The following PRR5 variants were observed in gnomAD, a reference collection of about 807,000 sequenced individuals.
PRR5 encodes the protein proline rich 5.
In PRR5, 25 loss-of-function variants were observed where a neutral mutation model predicts 30.6. The ratio of observed to expected loss-of-function variants is 0.82; its 90% CI spans 0.60 to 1.14. PRR5 has a LOEUF of 1.14. Among genes scored for constraint, PRR5 ranks in the 50% most tolerant of loss-of-function variants. The pLI is 0.00. For missense variants in PRR5, 600 were observed against 547.1 expected (o/e 1.10, Z -0.96); for synonymous variants, 286 against 247.1 (o/e 1.16, Z -1.48).
chr22:44,731,669 G>A (rs1198748400), intron 4 of PRR5, 61 bp from the exon 5 acceptor site: 19 of 1,550,590 alleles, frequency 1.2e-5, no homozygotes, highest in Non-Finnish European at 1.6e-5. Context: ...CCCATCCTGG[G>A]TGAGTGGAGG....
chr22:44,702,183 C>CCCGCCCCCGGGT (rs777318229), upstream of PRR5: 185,887 of 930,812 alleles, frequency 0.2, 19,785 homozygotes, highest in East Asian at 0.34. Flanking sequence ...CGCCCCTGGG[C>CCCGCCCCCGGGT]CCGCCCCCGG....
chr22:44,732,813 C>G (rs977560910), intron 6 of PRR5, among the ~76,000 whole-genome samples: 4 of 137,486 alleles, frequency 2.9e-5, no homozygotes, highest in Non-Finnish European at 6.4e-5. Context: ...CGCATACACA[C>G]TACACGTGTG....
chr22:44,716,165 T>A (rs1285691080), intron 2 of PRR5, among the ~76,000 whole-genome samples: 1 of 152,178 alleles, frequency 6.6e-6, no homozygotes, highest in African/African-American at 2.4e-5. Flanking sequence ...ACAGAGAAGC[T>A]GCCCTGGGCC....
chr22:44,706,436 G>A (rs1927213885), intron 1 of PRR5, among the ~76,000 whole-genome samples: 1 of 152,188 alleles, frequency 6.6e-6, no homozygotes, highest in Non-Finnish European at 1.5e-5. Flanking sequence ...TGGGAGGAAA[G>A]CAAACCAGGG....
intron 4 of PRR5, chr22:44,730,149 C>T (rs941039119): frequency 4.1e-6 from 4 of 985,090 alleles, no homozygotes; most frequent in South Asian, 4.7e-5. Flanking sequence ...CTACATGAAG[C>T]TGGGGGCTTC....
chr22:44,731,618 G>A (rs964195136), intron 4 of PRR5, 112 bp from the exon 5 acceptor site: 2 of 1,054,710 alleles, frequency 1.9e-6, no homozygotes, highest in East Asian at 2.5e-5. Context: ...GTGCTGCCAG[G>A]GGCCTGAGCC....
At chr22:44,679,994 C>G in intron 1 of PRR5, 1 of 1,013,818 alleles carries the variant, frequency 9.9e-7, no homozygotes, top group Non-Finnish European at 1.5e-6. Flanking sequence ...GAGAGACCCA[C>G]GGGGAATGAG....
upstream of PRR5, among the ~76,000 whole-genome samples, chr22:44,672,589 A>G (rs1923487457): frequency 6.6e-6 from 1 of 152,186 alleles, no homozygotes; most frequent in Admixed American, 6.5e-5. Flanking sequence ...CCGTCTCTAA[A>G]TAAATAAATA....
At position 44,737,193 on chromosome 22, in the gene PRR5, G is replaced by A; in HGVS notation, c.1113G>A (p.Arg371=). 6.2e-7 allele frequency: 1 copy of A among 1,612,180 alleles called. No homozygotes were observed. The highest frequency in any genetic ancestry group is 2.2e-5 in the East Asian group (1 of 44,856). ...TTTTCATTGACTTTGGCCGGGGCCG[G>A]GGCTCTGGCATGTCCGACTTGGAGG... is the stretch of plus-strand genomic sequence containing the variant. The part of the protein sequence containing the change: ...EGIFIDFGRG[R]GSGMSDLEGS... Residue 371 remains arginine, a synonymous_variant, in exon 8 of 8, where the codon CGG becomes CGA. Coordinates refer to ENST00000336985, the MANE Select transcript of PRR5 (RefSeq NM_181333.4).
intron 1 of PRR5, among the ~76,000 whole-genome samples, chr22:44,694,962 G>A (rs758626402): frequency 6.6e-5 from 10 of 152,046 alleles, no homozygotes; most frequent in Non-Finnish European, 7.4e-5. Context: ...CTTGAGGTCC[G>A]GAGTTCAAAA....
chr22:44,698,074 C>T (rs943267494), upstream of PRR5, among the ~76,000 whole-genome samples: 1 of 152,186 alleles, frequency 6.6e-6, no homozygotes, highest in South Asian at 2.1e-4. Flanking sequence ...CCCTGGGTGT[C>T]CAGCCGGGGC....
At chr22:44,733,526 G>T (rs1346067187) in intron 6 of PRR5, among the ~76,000 whole-genome samples, 2 of 152,192 alleles carry the variant, frequency 1.3e-5, no homozygotes, top group Non-Finnish European at 2.9e-5. Flanking sequence ...TGTGCAAGGT[G>T]GGGGCTGCCC....
chr22:44,727,404 C>A (rs919632566), intron 4 of PRR5, among the ~76,000 whole-genome samples: 1 of 152,210 alleles, frequency 6.6e-6, no homozygotes, highest in Non-Finnish European at 1.5e-5. Flanking sequence ...TGGGATCGGG[C>A]CTGCGCTGTA....
At position 44,737,572 on chromosome 22, in the gene PRR5, G is replaced by T. The variant is rs1250916103; in HGVS notation, c.*325G>T. ...GCCCACAGAGAATGTAAACCCAGTGGGCTCTGCCCACGCCGGGCCCCAAAG... is the reference window on the plus strand; with the variant it reads ...GCCCACAGAGAATGTAAACCCAGTGTGCTCTGCCCACGCCGGGCCCCAAAG... On this transcript the variant is annotated 3_prime_UTR_variant, in exon 8 of 8. Coordinates refer to ENST00000336985, the MANE Select transcript of PRR5 (RefSeq NM_181333.4). 6.1e-6 allele frequency: 2 copies of T among 329,392 alleles called. No individual in the cohort carries two copies. Among genetic ancestry groups the T allele is most frequent in the Non-Finnish European group, 1.1e-5 (2 of 181,100 alleles). The allele number at this position is 329,392 out of a possible 1,614,324, so 20.4% of individuals were successfully genotyped here.
At chr22:44,732,224 G>A in intron 5 of PRR5, 27 bp from the exon 6 acceptor site, 1 of 1,607,404 alleles carries the variant, frequency 6.2e-7, no homozygotes, top group Non-Finnish European at 8.5e-7. Flanking sequence ...ACCACAGCCG[G>A]TGGGGTGGGG....
intron 6 of PRR5, among the ~76,000 whole-genome samples, chr22:44,733,149 C>A (rs1030703128): frequency 6.6e-6 from 1 of 152,254 alleles, no homozygotes; most frequent in African/African-American, 2.4e-5. Flanking sequence ...GTTAGCCCCC[C>A]TCACAGCAGG....
rs768465019 is a variant in PRR5, at chr22:44,736,916, G to A, written c.836G>A (p.Arg279His). ...EGAAAGGTSI[R>H]RHSVSEMTSC... The stretch of plus-strand genomic sequence containing the variant: ...GCGGCGGCCGGCGGTACCAGCATCC[G>A]CAGGCACTCTGTGTCGGAGATGACG... The change falls in exon 8 of 8, where the codon CGC becomes CAC. Residue 279 changes from arginine to histidine, a missense_variant. By Grantham distance (29) the Arg-to-His change is conservative (BLOSUM62 0). Coordinates refer to ENST00000336985, the MANE Select transcript of PRR5 (RefSeq NM_181333.4). 8 of 1,608,134 alleles carry A rather than the reference G, an allele frequency of 5.0e-6. No individual in the cohort carries two copies. Among genetic ancestry groups the A allele is most frequent in the African/African-American group, 1.3e-5 (1 of 75,022 alleles).
At chr22:44,715,182 C>T (rs1340877456) in intron 2 of PRR5, among the ~76,000 whole-genome samples, 2 of 152,136 alleles carry the variant, frequency 1.3e-5, no homozygotes, top group Admixed American at 6.5e-5. Flanking sequence ...AAGCTGCTGC[C>T]CCAAGCCAGG....
chr22:44,711,648 G>C (rs533829109), intron 1 of PRR5, among the ~76,000 whole-genome samples: 1 of 152,286 alleles, frequency 6.6e-6, no homozygotes, highest in East Asian at 1.9e-4. Context: ...CCGCTGCACT[G>C]TCCCCTCTGC....
Sources: gnomAD v4.1 joint callset for allele counts (sites outside exome capture counted in the v4.1 genomes callset) on GRCh38, gnomAD v4.1.1 for gene constraint, MANE v1.5 for transcripts, NCBI Gene and HGNC (gene_info 2026-07-23, HGNC 2026-07-21) for gene names.